The following ZNF98 variants were observed in gnomAD, a reference collection of about 807,000 sequenced individuals.
The protein encoded by ZNF98 is zinc finger protein 739.
In ZNF98, 8 loss-of-function variants were observed where a neutral mutation model predicts 12.8. The ratio of observed to expected loss-of-function variants is 0.63; its 90% CI spans 0.37 to 1.13. The LOEUF (loss-of-function observed/expected upper bound fraction) is 1.13, where lower values mean the gene tolerates loss of function less well. Among genes scored for constraint, ZNF98 ranks in the 50% most tolerant of loss-of-function variants. ZNF98 has a pLI of 0.01. For missense variants in ZNF98, 379 were observed against 666.1 expected, an observed-to-expected ratio of 0.57 and a Z score of 4.74; for synonymous variants, 112 against 223.5, an observed-to-expected ratio of 0.50 and a Z score of 4.45.
rs555666929 is a variant in ZNF98 at position 22,418,756 on chromosome 19, C to T, written c.30+3439G>A. On this transcript the variant is annotated intron_variant, in intron 1 of 3. Coordinates refer to ENST00000357774, the MANE Select transcript of ZNF98 (RefSeq NM_001098626.2). ...AATTAGCCAGGCATTTTGGTAGGTG[C>T]CTGTAATCCCAGCTTCTTGGGAGGC... is the stretch of plus-strand genomic sequence containing the variant. Among the ~76,000 whole-genome samples the T allele has an allele frequency of 2.6e-5, 4 of 152,232 alleles. No homozygotes were observed. The South Asian group carries it at 8.3e-4, about 32-fold the overall frequency.
intron 3 of ZNF98, chr19:22,402,257 C>G (rs147566869): frequency 0.01 from 2,521 of 246,488 alleles, 24 homozygotes; most frequent in Middle Eastern, 0.023. Flanking sequence ...ATAGCCAAAG[C>G]AATCTTGAAA....
chr19:22,404,481 G>A (rs1361800957), intron 1 of ZNF98, among the ~76,000 whole-genome samples: 3 of 152,100 alleles, frequency 2.0e-5, no homozygotes, highest in Non-Finnish European at 4.4e-5. Flanking sequence ...CACATCTGCT[G>A]AATAAAGATA....
chr19:22,419,341 A>C (rs998995525), intron 1 of ZNF98, among the ~76,000 whole-genome samples: 1 of 152,118 alleles, frequency 6.6e-6, no homozygotes, highest in East Asian at 1.9e-4. Context: ...GTGGGGCCCC[A>C]GTTTTCCAGG....
At chr19:22,404,207 G>A (rs998732100) in intron 1 of ZNF98, among the ~76,000 whole-genome samples, 5 of 152,218 alleles carry the variant, frequency 3.3e-5, no homozygotes, top group Admixed American at 6.5e-5. Flanking sequence ...GTGACAGAGC[G>A]AGACTCCGTC....
intron 3 of ZNF98, among the ~76,000 whole-genome samples, chr19:22,398,829 G>A (rs1454676828): frequency 6.6e-6 from 1 of 151,908 alleles, no homozygotes; most frequent in Non-Finnish European, 1.5e-5. Context: ...TTAAACACAA[G>A]GTGAAAATAA....
intron 1 of ZNF98, among the ~76,000 whole-genome samples, chr19:22,407,789 G>A (rs1302847541): frequency 6.6e-6 from 1 of 151,782 alleles, no homozygotes; most frequent in Admixed American, 6.6e-5. Flanking sequence ...ACATCCACCA[G>A]GTCGGGCGCG....
intron 3 of ZNF98, among the ~76,000 whole-genome samples, chr19:22,395,853 T>C (rs1254146603): frequency 2.1e-5 from 3 of 140,770 alleles, no homozygotes; most frequent in Non-Finnish European, 3.0e-5. Context: ...AGATACCGTG[T>C]GACACAAAGT....
chr19:22,393,542 T>C (rs879306526), intron 3 of ZNF98, among the ~76,000 whole-genome samples: 2 of 151,286 alleles, frequency 1.3e-5, no homozygotes, highest in Non-Finnish European at 2.9e-5. Context: ...CATCTACAAC[T>C]ATCTGATCTT....
At chr19:22,404,174 C>T (rs1213301590) in intron 1 of ZNF98, among the ~76,000 whole-genome samples, 1 of 152,178 alleles carries the variant, frequency 6.6e-6, no homozygotes, top group African/African-American at 2.4e-5. Flanking sequence ...GAGCTGAAAT[C>T]GCGCCACTAC....
At chr19:22,395,178 G>GAAAAAAAAAAA (rs71180538) in intron 3 of ZNF98, among the ~76,000 whole-genome samples, 6 of 99,858 alleles carry the variant, frequency 6.0e-5, no homozygotes, top group African/African-American at 1.9e-4. Flanking sequence ...GTTTCAAAAA[G>GAAAAAAAAAAA]AAAAAAAAAA....
chr19:22,393,249 T>C (rs1378205826), intron 3 of ZNF98, among the ~76,000 whole-genome samples: 1 of 152,234 alleles, frequency 6.6e-6, no homozygotes, highest in African/African-American at 2.4e-5. Context: ...ATTTACCCAG[T>C]GCAGATCTTC....
chr19:22,394,964 G>T (rs1159981982), intron 3 of ZNF98, among the ~76,000 whole-genome samples: 1 of 151,914 alleles, frequency 6.6e-6, no homozygotes, highest in Non-Finnish European at 1.5e-5. Context: ...CTGAGGTCCG[G>T]AGTTTGAGAC....
At chr19:22,395,531 C>T (rs1387210511) in intron 3 of ZNF98, among the ~76,000 whole-genome samples, 4 of 150,978 alleles carry the variant, frequency 2.6e-5, no homozygotes, top group Admixed American at 6.6e-5. Context: ...GAACACAGTC[C>T]ACTGTAGAAA....
At chr19:22,420,943 C>T (rs1599392816) in intron 1 of ZNF98, among the ~76,000 whole-genome samples, 1 of 152,162 alleles carries the variant, frequency 6.6e-6, no homozygotes, top group Non-Finnish European at 1.5e-5. Flanking sequence ...AAACAGAAAA[C>T]ATATCTTTTT....
At chr19:22,407,569 G>A (rs2145117085) in intron 1 of ZNF98, among the ~76,000 whole-genome samples, 2 of 151,534 alleles carry the variant, frequency 1.3e-5, no homozygotes, top group East Asian at 4.0e-4. Context: ...AAATTTAGCT[G>A]GGTGTGGTGG....
intron 1 of ZNF98, among the ~76,000 whole-genome samples, chr19:22,418,383 A>G (rs990280191): frequency 6.6e-6 from 1 of 152,248 alleles, no homozygotes; most frequent in Admixed American, 6.5e-5. Flanking sequence ...TATAAGACAA[A>G]GAAAAAAAAT....
In ZNF98 at chr19:22,393,026, G is replaced by C. The variant is rs1414834418; in HGVS notation, c.254-45C>G. On this transcript the variant is annotated intron_variant, in intron 3 of 3. Coordinates refer to ENST00000357774, the MANE Select transcript of ZNF98 (RefSeq NM_001098626.2). ...TAAATTACTTCACTTACTAGACTCA[G>C]ATGAATGTACTTTACAAATCTAACC... is the stretch of plus-strand genomic sequence containing the variant. 3 of 1,429,442 alleles carry C rather than the reference G, an allele frequency of 2.1e-6. No homozygotes were observed. In the African/African-American group the frequency reaches 4.3e-5, roughly 21 times the overall value. 88.5% of individuals were successfully genotyped at this position (1,429,442 alleles called of 1,614,324 possible). A position where few individuals can be genotyped will look rare whatever the true frequency, so the allele number is the denominator to read the frequency against.
intron 3 of ZNF98, among the ~76,000 whole-genome samples, chr19:22,395,218 TCCG>T (rs1201079874): frequency 1.4e-5 from 2 of 140,754 alleles, no homozygotes; most frequent in East Asian, 2.1e-4. Flanking sequence ...ACGAATAAAC[TCCG>T]CTGACTAAAA....
chr19:22,395,117 G>A lies in ZNF98; in HGVS notation c.254-2136C>T, dbSNP rs376711314. 1.9e-4 allele frequency among the ~76,000 whole-genome samples: 29 copies of A among 151,106 alleles called. No homozygotes were observed. In the East Asian group the frequency reaches 5.7e-3, roughly 29 times the overall value. On this transcript the variant is annotated intron_variant, in intron 3 of 3. Coordinates refer to ENST00000357774, the MANE Select transcript of ZNF98 (RefSeq NM_001098626.2). ...AACCGGAGAAGTGGAGGCTGCAGTG[G>A]GCTGAGACCATGCCATTGCACTGCA...
Sources: allele counts gnomAD v4.1 joint callset (sites outside exome capture counted in the v4.1 genomes callset), GRCh38; gene constraint gnomAD v4.1.1; transcripts MANE v1.5; gene names NCBI Gene and HGNC (gene_info 2026-07-23, HGNC 2026-07-21).